NTM: variants seen among roughly 807,000 people sequenced by gnomAD.
NTM encodes the protein IgLON family member 2.
NTM carries 13 observed loss-of-function variants against 42.1 expected under a neutral mutation model. The observed-to-expected ratio is 0.31, with a 90% CI of 0.20 to 0.49. NTM has a LOEUF of 0.49. Among genes scored for constraint, NTM ranks in the 20% least tolerant of loss-of-function variants. The pLI is 0.99. For missense variants in NTM, 373 were observed against 452.8 expected (o/e 0.82, Z 1.60); for synonymous variants, 187 against 179.2 (o/e 1.04, Z -0.35).
chr11:132,335,175 G>T lies in NTM; in HGVS notation c.*29G>T, dbSNP rs756920058. ...GAGTGCCACTTCCCCACCCGGGAAA[G>T]GCTGCCGCCACCACCACCACCAACA... is the stretch of plus-strand genomic sequence containing the variant. On this transcript the variant is annotated 3_prime_UTR_variant, in exon 9 of 9. Transcript: ENST00000683400. The T allele has an allele frequency of 3.1e-6, 5 of 1,609,552 alleles. No individual in the cohort carries two copies. The highest frequency in any genetic ancestry group is 1.1e-5 in the South Asian group (1 of 90,976).
At chr11:132,038,586 C>T (rs1255042897) in intron 2 of NTM, among the ~76,000 whole-genome samples, 4 of 152,278 alleles carry the variant, frequency 2.6e-5, no homozygotes, top group Middle Eastern at 3.4e-3. Flanking sequence ...AGCAAGTGTG[C>T]GTGTGTAGCG....
At chr11:132,168,692 C>G (rs1415598685) in intron 3 of NTM, among the ~76,000 whole-genome samples, 2 of 152,224 alleles carry the variant, frequency 1.3e-5, no homozygotes, top group African/African-American at 4.8e-5. Context: ...TGGGCTGATA[C>G]TTTAATCTGA....
intron 1 of NTM, among the ~76,000 whole-genome samples, chr11:131,711,352 T>C (rs1466301405): frequency 2.6e-5 from 4 of 152,174 alleles, no homozygotes; most frequent in African/African-American, 9.7e-5. Flanking sequence ...AAAGAAGACA[T>C]TTATGCAGCC....
At chr11:131,581,920 C>G (rs1338290002) in intron 1 of NTM, 1 of 152,246 alleles carries the variant, frequency 6.6e-6, no homozygotes, top group South Asian at 2.1e-4. Context: ...TCAAGGGAAA[C>G]AAACTGGCTT....
At chr11:131,382,734 AATC>A (rs1210349517) in intron 1 of NTM, among the ~76,000 whole-genome samples, 1 of 152,212 alleles carries the variant, frequency 6.6e-6, no homozygotes, top group Non-Finnish European at 1.5e-5. Context: ...CTGGAGCACT[AATC>A]ATCCTGATCA....
intron 1 of NTM, among the ~76,000 whole-genome samples, chr11:131,444,203 C>CAAAAAA (rs71475757): frequency 7.7e-4 from 38 of 49,504 alleles, no homozygotes; most frequent in African/African-American, 1.4e-3. Flanking sequence ...AGGTTAGAAC[C>CAAAAAA]AAAAAAAAAA....
intron 1 of NTM, among the ~76,000 whole-genome samples, chr11:131,621,831 A>G (rs2137661632): frequency 6.6e-6 from 1 of 150,998 alleles, no homozygotes; most frequent in East Asian, 1.9e-4. Flanking sequence ...CAAAGAAAAA[A>G]AAAAAAAAAA....
chr11:131,860,022 A>G (rs1187212168), intron 1 of NTM, among the ~76,000 whole-genome samples: 2 of 152,166 alleles, frequency 1.3e-5, no homozygotes, highest in Non-Finnish European at 2.9e-5. Flanking sequence ...TCTGATATCT[A>G]TTAGAGTCTG....
chr11:132,223,628 T>A (rs1202572567), intron 4 of NTM, among the ~76,000 whole-genome samples: 1 of 152,232 alleles, frequency 6.6e-6, no homozygotes, highest in Non-Finnish European at 1.5e-5. Flanking sequence ...CACTGCTATG[T>A]GCACCAATGT....
At chr11:132,275,445 G>C (rs748322126) in intron 4 of NTM, among the ~76,000 whole-genome samples, 1 of 151,818 alleles carries the variant, frequency 6.6e-6, no homozygotes, top group Non-Finnish European at 1.5e-5. Flanking sequence ...TAACTTTCTA[G>C]TAAGGACTTA....
intron 4 of NTM, among the ~76,000 whole-genome samples, chr11:132,243,861 T>C (rs1253600723): frequency 6.6e-6 from 1 of 152,146 alleles, no homozygotes; most frequent in Non-Finnish European, 1.5e-5. Flanking sequence ...CCCCCAGCCC[T>C]GCAGCATGGC....
At chr11:131,897,996 C>T (rs983555186) in intron 1 of NTM, among the ~76,000 whole-genome samples, 7 of 152,072 alleles carry the variant, frequency 4.6e-5, no homozygotes, top group Non-Finnish European at 8.8e-5. Context: ...TCAAATATTT[C>T]GGATTCAAAC....
At chr11:132,099,954 C>G (rs775721792) in intron 2 of NTM, among the ~76,000 whole-genome samples, 1 of 152,136 alleles carries the variant, frequency 6.6e-6, no homozygotes, top group South Asian at 2.1e-4. Flanking sequence ...CTTTCATTTC[C>G]TTCCCCCACT....
chr11:131,881,694 A>T (rs79932731), intron 1 of NTM, among the ~76,000 whole-genome samples: 3,127 of 152,260 alleles, frequency 0.021, 223 homozygotes, highest in East Asian at 0.2. Flanking sequence ...GGAAGTACCA[A>T]AAAGGCTATA....
chr11:132,161,528 C>T (rs559946684), intron 3 of NTM, among the ~76,000 whole-genome samples: 3 of 152,064 alleles, frequency 2.0e-5, no homozygotes, highest in Non-Finnish European at 2.9e-5. Flanking sequence ...TCTCACGCAT[C>T]GCCAACCCCG....
intron 2 of NTM, among the ~76,000 whole-genome samples, chr11:131,959,680 A>G (rs1251142022): frequency 6.6e-6 from 1 of 152,124 alleles, no homozygotes; most frequent in Non-Finnish European, 1.5e-5. Context: ...TGAGTAAACC[A>G]CCTCATCAAC....
intron 1 of NTM, among the ~76,000 whole-genome samples, chr11:131,633,537 CTCTCTA>C (rs1426772572): frequency 8.6e-5 from 13 of 152,002 alleles, no homozygotes; most frequent in East Asian, 3.9e-4. Context: ...CTCTCTCTCT[CTCTCTA>C]TCTCTATCTC....
intron 1 of NTM, among the ~76,000 whole-genome samples, chr11:131,473,435 T>A (rs932278856): frequency 6.6e-6 from 1 of 152,164 alleles, no homozygotes; most frequent in Non-Finnish European, 1.5e-5. Flanking sequence ...CACAAACTCA[T>A]GCATTTTTTT....
intron 2 of NTM, among the ~76,000 whole-genome samples, chr11:131,926,413 T>A (rs1276674212): frequency 6.6e-6 from 1 of 151,062 alleles, no homozygotes; most frequent in Non-Finnish European, 1.5e-5. Flanking sequence ...CAGGGAGGGG[T>A]AGGGGCTTGC....
Sources: gnomAD v4.1 joint callset for allele counts (sites outside exome capture counted in the v4.1 genomes callset) on GRCh38, gnomAD v4.1.1 for gene constraint, MANE v1.5 for transcripts, NCBI Gene and HGNC (gene_info 2026-07-23, HGNC 2026-07-21) for gene names.